SH3KBP1: variants seen among roughly 807,000 people sequenced by gnomAD.
SH3KBP1 encodes SH3 domain containing kinase binding protein 1, also known as SH3 domain-containing kinase-binding protein 1.
SH3KBP1 carries 8 observed loss-of-function variants against 50.1 expected under a neutral mutation model. That is an observed-to-expected ratio of 0.16 (90% CI 0.09 to 0.29). The LOEUF is 0.29. SH3KBP1 is among the 10% of genes least tolerant of loss of function. The pLI is 1.00. For missense variants in SH3KBP1, 377 were observed against 535.2 expected (o/e 0.70, Z 2.92); for synonymous variants, 227 against 218.6 (o/e 1.04, Z -0.34).
intron 3 of SH3KBP1, among the ~76,000 whole-genome samples, chrX:19,724,928 G>A (rs749503189): frequency 9.0e-6 from 1 of 111,165 alleles, no homozygotes; most frequent in South Asian, 3.8e-4. Flanking sequence ...CCCTGCCCAC[G>A]CTGCCTGGGG....
At chrX:19,750,220 G>A (rs982932501) in intron 2 of SH3KBP1, among the ~76,000 whole-genome samples, 3 of 111,498 alleles carry the variant, frequency 2.7e-5, no homozygotes, top group African/African-American at 6.5e-5. Context: ...CACCTCACCC[G>A]GCTAATTTTT....
intron 13 of SH3KBP1, 45 bp downstream of exon 13, chrX:19,569,058 T>C (rs1271445980): frequency 1.8e-6 from 2 of 1,109,939 alleles, no homozygotes; most frequent in African/African-American, 3.6e-5. Context: ...TCTGAGGTTC[T>C]TTACTAACTC....
chrX:19,602,261 G>A, intron 9 of SH3KBP1, among the ~76,000 whole-genome samples: 1 of 111,478 alleles, frequency 9.0e-6, no homozygotes, highest in Non-Finnish European at 1.9e-5. Flanking sequence ...AGAGGCAGGA[G>A]GAAGAGAAGA....
intron 2 of SH3KBP1, among the ~76,000 whole-genome samples, chrX:19,763,549 C>A (rs1235964303): frequency 8.9e-6 from 1 of 111,928 alleles, no homozygotes; most frequent in Non-Finnish European, 1.9e-5. Context: ...GCCCCTGGGG[C>A]TGTCATATGT....
At chrX:19,735,919 T>C (rs1448273649) in intron 3 of SH3KBP1, among the ~76,000 whole-genome samples, 1 of 110,137 alleles carries the variant, frequency 9.1e-6, no homozygotes, top group Non-Finnish European at 1.9e-5. Context: ...AAAGACGGGG[T>C]TTCACTGTGT....
intron 1 of SH3KBP1, among the ~76,000 whole-genome samples, chrX:19,851,138 A>G (rs1159498526): frequency 2.7e-5 from 3 of 111,776 alleles, no homozygotes; most frequent in Admixed American, 9.5e-5. Context: ...AAAGAGAAAC[A>G]TAAGTCTGAA....
chrX:19,805,190 GT>G (rs1191733742), intron 2 of SH3KBP1, among the ~76,000 whole-genome samples: 1 of 110,419 alleles, frequency 9.1e-6, no homozygotes, highest in African/African-American at 3.3e-5. Context: ...GACAAAGCCT[GT>G]TTTTTAAATT....
intron 1 of SH3KBP1, among the ~76,000 whole-genome samples, chrX:19,847,050 G>GA (rs1180209820): frequency 8.9e-6 from 1 of 111,786 alleles, no homozygotes; most frequent in East Asian, 2.8e-4. Context: ...CGATTCCACA[G>GA]AAAAATGTGG....
intron 3 of SH3KBP1, among the ~76,000 whole-genome samples, chrX:19,722,531 GGTGTGTGT>G (rs59121045): frequency 2.0e-4 from 20 of 101,045 alleles, no homozygotes; most frequent in African/African-American, 5.3e-4. Context: ...CAGCTGCACT[GGTGTGTGT>G]GTGTGTGTGT....
intron 3 of SH3KBP1, among the ~76,000 whole-genome samples, chrX:19,729,014 C>A (rs188679521): frequency 1.8e-5 from 2 of 112,449 alleles, no homozygotes; most frequent in African/African-American, 6.5e-5. Context: ...AAGATAATTC[C>A]AGTGAGGGTG....
intron 15 of SH3KBP1, among the ~76,000 whole-genome samples, chrX:19,544,047 G>A (rs1356531188): frequency 1.8e-5 from 2 of 111,117 alleles, no homozygotes; most frequent in East Asian, 2.9e-4. Flanking sequence ...CTACCCCAGC[G>A]CAGGAGCCAA....
At chrX:19,607,651 T>C (rs762164176) in intron 9 of SH3KBP1, among the ~76,000 whole-genome samples, 2 of 111,992 alleles carry the variant, frequency 1.8e-5, no homozygotes, top group African/African-American at 3.2e-5. Context: ...CCCAAGGTTC[T>C]CACAGTTTAT....
At chrX:19,831,791 C>A (rs200795044) in intron 2 of SH3KBP1, among the ~76,000 whole-genome samples, 5 of 36,375 alleles carry the variant, frequency 1.4e-4, no homozygotes, top group Non-Finnish European at 1.2e-4. Flanking sequence ...AACTCCATCC[C>A]AAAAAAAAAA....
At chrX:19,539,907 A>G (rs2064832393) in intron 16 of SH3KBP1, among the ~76,000 whole-genome samples, 3 of 111,736 alleles carry the variant, frequency 2.7e-5, no homozygotes, top group African/African-American at 9.8e-5. Context: ...ATTCCCACCA[A>G]CTATTTGCAG....
intron 2 of SH3KBP1, among the ~76,000 whole-genome samples, chrX:19,789,098 T>G (rs1198337618): frequency 2.7e-4 from 30 of 111,515 alleles, no homozygotes; most frequent in Non-Finnish European, 7.6e-5. Flanking sequence ...CACTCTAGCC[T>G]GGGTGATACA....
chrX:19,669,325 A>T (rs191968563), intron 6 of SH3KBP1, among the ~76,000 whole-genome samples: 2,673 of 102,508 alleles, frequency 0.026, 34 homozygotes, highest in Middle Eastern at 0.039. Flanking sequence ...TAATAATAAT[A>T]ATTATTATTA....
At chrX:19,836,312 T>C in intron 1 of SH3KBP1, 30 bp from the exon 2 acceptor site, 1 of 1,180,795 alleles carries the variant, frequency 8.5e-7, no homozygotes, top group South Asian at 1.8e-5. Context: ...CAGAGTAATT[T>C]AGGTCAGATG....
intron 13 of SH3KBP1, among the ~76,000 whole-genome samples, chrX:19,553,355 T>C (rs1569276506): frequency 9.0e-6 from 1 of 111,337 alleles, no homozygotes; most frequent in Non-Finnish European, 1.9e-5. Flanking sequence ...GATTTCAGAA[T>C]GTGTGAGGTG....
intron 2 of SH3KBP1, among the ~76,000 whole-genome samples, chrX:19,815,265 C>T (rs918682336): frequency 4.5e-5 from 5 of 111,074 alleles, no homozygotes; most frequent in African/African-American, 1.3e-4. Flanking sequence ...GCTCCTTGGG[C>T]GATACTTGTG....
Sources: gnomAD v4.1 joint callset for allele counts (sites outside exome capture counted in the v4.1 genomes callset) on GRCh38, gnomAD v4.1.1 for gene constraint, MANE v1.5 for transcripts, NCBI Gene and HGNC (gene_info 2026-07-23, HGNC 2026-07-21) for gene names.